CDH13: variants seen among roughly 807,000 people sequenced by gnomAD.
The protein encoded by CDH13 is cadherin 13.
In CDH13, 24 loss-of-function variants were observed where a neutral mutation model predicts 63.8. That is an observed-to-expected ratio of 0.38 (90% CI 0.27 to 0.53). CDH13 has a LOEUF of 0.53. Among genes scored for constraint, CDH13 ranks in the 20% least tolerant of loss-of-function variants. The pLI is 0.85. For missense variants in CDH13, 1,049 were observed against 903.1 expected (o/e 1.16, Z -2.07); for synonymous variants, 503 against 355.3 (o/e 1.42, Z -4.67).
chr16:83,101,035 A>C (rs2034449765), intron 3 of CDH13, among the ~76,000 whole-genome samples: 1 of 152,180 alleles, frequency 6.6e-6, no homozygotes, highest in African/African-American at 2.4e-5. Context: ...GGTAAAGGAC[A>C]AAAATTATTT....
At chr16:82,995,844 C>G (rs566633087) in intron 2 of CDH13, among the ~76,000 whole-genome samples, 1 of 152,128 alleles carries the variant, frequency 6.6e-6, no homozygotes, top group African/African-American at 2.4e-5. Context: ...TGATTCAACC[C>G]TCTCGCGGGC....
intron 2 of CDH13, among the ~76,000 whole-genome samples, chr16:83,014,683 AT>A (rs1435036788): frequency 6.9e-6 from 1 of 144,392 alleles, no homozygotes; most frequent in Non-Finnish European, 1.5e-5. Context: ...GTGAGCTGAG[AT>A]TGCACCACTG....
At chr16:82,785,358 T>A (rs1222588507) in intron 1 of CDH13, among the ~76,000 whole-genome samples, 1 of 152,194 alleles carries the variant, frequency 6.6e-6, no homozygotes, top group African/African-American at 2.4e-5. Flanking sequence ...TTTATGGCCT[T>A]CTTGACTTCA....
intron 6 of CDH13, among the ~76,000 whole-genome samples, chr16:83,437,634 G>C (rs2072348272): frequency 6.6e-6 from 1 of 152,126 alleles, no homozygotes; most frequent in East Asian, 1.9e-4. Flanking sequence ...CCAAGATCAT[G>C]CCACTGCACT....
intron 2 of CDH13, among the ~76,000 whole-genome samples, chr16:82,997,324 C>T (rs1056114064): frequency 5.3e-5 from 8 of 152,108 alleles, no homozygotes; most frequent in Non-Finnish European, 1.2e-4. Context: ...GTGATTGACC[C>T]TAATACGTTT....
At chr16:83,130,014 T>G (rs1165742882) in intron 4 of CDH13, among the ~76,000 whole-genome samples, 2 of 152,210 alleles carry the variant, frequency 1.3e-5, no homozygotes, top group Non-Finnish European at 1.5e-5. Context: ...GGAAAACCTC[T>G]GAAATTCAAC....
intron 7 of CDH13, among the ~76,000 whole-genome samples, chr16:83,527,189 C>G (rs1409570990): frequency 6.6e-6 from 1 of 151,986 alleles, no homozygotes; most frequent in African/African-American, 2.4e-5. Context: ...CTGGCTCACA[C>G]CTGTAATCTC....
intron 10 of CDH13, among the ~76,000 whole-genome samples, chr16:83,681,814 T>C (rs1292777657): frequency 6.6e-6 from 1 of 152,160 alleles, no homozygotes; most frequent in Non-Finnish European, 1.5e-5. Context: ...TGGGAGACAC[T>C]TTTCTAATCT....
intron 6 of CDH13, among the ~76,000 whole-genome samples, chr16:83,387,776 G>T (rs1326428217): frequency 6.6e-6 from 1 of 152,180 alleles, no homozygotes. Flanking sequence ...ATCTTAGGAT[G>T]CCACTGGCTC....
At chr16:83,417,597 C>G (rs890931427) in intron 6 of CDH13, among the ~76,000 whole-genome samples, 1 of 152,136 alleles carries the variant, frequency 6.6e-6, no homozygotes, top group Non-Finnish European at 1.5e-5. Context: ...AGAGATGTTG[C>G]AGCAAACAAA....
chr16:82,648,395 C>T (rs1910348566), intron 1 of CDH13, among the ~76,000 whole-genome samples: 1 of 152,172 alleles, frequency 6.6e-6, no homozygotes, highest in African/African-American at 2.4e-5. Context: ...CCTGACTCTC[C>T]TAAATGCTCT....
intron 5 of CDH13, among the ~76,000 whole-genome samples, chr16:83,297,840 A>C (rs2089638452): frequency 6.6e-6 from 1 of 152,108 alleles, no homozygotes; most frequent in South Asian, 2.1e-4. Context: ...AATGCCCGAA[A>C]CTTTTCAAAG....
intron 5 of CDH13, among the ~76,000 whole-genome samples, chr16:83,236,832 A>G (rs555752841): frequency 3.3e-5 from 5 of 152,268 alleles, no homozygotes; most frequent in South Asian, 2.1e-4. Context: ...AGGAGGGCCT[A>G]CTTATAGGTC....
chr16:83,424,131 A>C (rs1014031545), intron 6 of CDH13, among the ~76,000 whole-genome samples: 2 of 151,914 alleles, frequency 1.3e-5, no homozygotes, highest in Non-Finnish European at 2.9e-5. Context: ...AACAGTCTAG[A>C]AGAGGGAAAT....
intron 1 of CDH13, among the ~76,000 whole-genome samples, chr16:82,734,239 C>T (rs2033553782): frequency 6.6e-6 from 1 of 152,166 alleles, no homozygotes; most frequent in African/African-American, 2.4e-5. Context: ...CTATCTGTGT[C>T]TGTTTTTGTG....
intron 1 of CDH13, among the ~76,000 whole-genome samples, chr16:82,650,352 G>A (rs16957992): frequency 0.22 from 33,782 of 152,070 alleles, 5,145 homozygotes; most frequent in African/African-American, 0.43. Context: ...AGGACTTGGA[G>A]GACCTGGAGA....
intron 2 of CDH13, among the ~76,000 whole-genome samples, chr16:82,874,927 G>A (rs978382959): frequency 6.6e-6 from 1 of 152,188 alleles, no homozygotes; most frequent in Non-Finnish European, 1.5e-5. Flanking sequence ...ATACTCATGG[G>A]GATGTGTGGC....
chr16:82,986,983 T>C (rs1377971650), intron 2 of CDH13, among the ~76,000 whole-genome samples: 1 of 152,192 alleles, frequency 6.6e-6, no homozygotes, highest in Non-Finnish European at 1.5e-5. Context: ...ATCTATTCCA[T>C]CTTATCTTGA....
At chr16:82,738,520 C>A (rs1256052345) in intron 1 of CDH13, among the ~76,000 whole-genome samples, 1 of 152,204 alleles carries the variant, frequency 6.6e-6, no homozygotes, top group Non-Finnish European at 1.5e-5. Context: ...AAGCTAGTTT[C>A]CAAATTCCTT....
Sources: allele counts gnomAD v4.1 joint callset (sites outside exome capture counted in the v4.1 genomes callset), GRCh38; gene constraint gnomAD v4.1.1; transcripts MANE v1.5; gene names NCBI Gene and HGNC (gene_info 2026-07-23, HGNC 2026-07-21).